The following TUBGCP5 variants were observed in gnomAD, a reference collection of about 807,000 sequenced individuals.
TUBGCP5 encodes the protein gamma-tubulin complex component 5.
A neutral mutation model predicts 134.7 loss-of-function variants in TUBGCP5; 98 were observed. That is an observed-to-expected ratio of 0.73 (90% CI 0.62 to 0.86). The LOEUF is 0.86. Among genes scored for constraint, TUBGCP5 ranks in the 40% least tolerant of loss-of-function variants. The probability of loss-of-function intolerance (pLI) is 0.00; values close to 1 mark genes in which losing one functional copy is unlikely to be tolerated. For missense variants in TUBGCP5, 1,150 were observed against 1,244.8 expected (o/e 0.92, Z 1.15); for synonymous variants, 456 against 431.4 (o/e 1.06, Z -0.71).
intron 4 of TUBGCP5, among the ~76,000 whole-genome samples, chr15:23,032,459 T>C (rs910381385): frequency 1.3e-5 from 2 of 152,156 alleles, no homozygotes; most frequent in African/African-American, 4.8e-5. Context: ...TTTTAAAAGA[T>C]TGTATTATTT....
intron 19 of TUBGCP5, among the ~76,000 whole-genome samples, chr15:23,004,784 T>C (rs1182547490): frequency 1.3e-5 from 2 of 152,118 alleles, no homozygotes; most frequent in African/African-American, 4.8e-5. Flanking sequence ...CCCTCTGCCA[T>C]AGCCTTCCCA....
chr15:23,034,803 G>T (rs900386884), intron 3 of TUBGCP5, among the ~76,000 whole-genome samples: 2 of 151,764 alleles, frequency 1.3e-5, no homozygotes, highest in Non-Finnish European at 2.9e-5. Flanking sequence ...TTCCAGCCTG[G>T]GCAACAGAGC....
At chr15:23,027,051 C>T in intron 7 of TUBGCP5, 141 bp downstream of exon 7, 1 of 680,402 alleles carries the variant, frequency 1.5e-6, no homozygotes, top group Non-Finnish European at 2.5e-6. Flanking sequence ...GAGTGAGAAT[C>T]TGTCTCCAAA....
intron 6 of TUBGCP5, 59 bp downstream of exon 6, chr15:23,030,826 C>T (rs1695625948): frequency 6.3e-7 from 1 of 1,587,050 alleles, no homozygotes; most frequent in African/African-American, 1.4e-5. Context: ...TCAAAGTTTG[C>T]CTTTCCTTCT....
intron 16 of TUBGCP5, 48 bp from the exon 17 acceptor site, chr15:23,006,400 C>T (rs759622985): frequency 3.8e-6 from 5 of 1,308,826 alleles, no homozygotes; most frequent in African/African-American, 3.0e-5. Context: ...CTATGTCACA[C>T]AAAAATGCTC....
At chr15:23,030,791 A>G (rs1443213502) in intron 6 of TUBGCP5, 94 bp downstream of exon 6, 3 of 1,481,038 alleles carry the variant, frequency 2.0e-6, no homozygotes, top group Non-Finnish European at 2.7e-6. Flanking sequence ...AGCTTAGCCA[A>G]TACCTTGATT....
Position 23,007,806 on chromosome 15 carries a change from C to T in TUBGCP5, c.2327+893G>A, listed in dbSNP as rs4778478. ...AGTCCATCTGTTTAGGAGGCACCCA[C>T]GGGGAGCATAGGGATGAGTGGTGGA... On this transcript the variant is annotated intron_variant, in intron 16 of 22. Coordinates refer to ENST00000615383, the MANE Select transcript of TUBGCP5 (RefSeq NM_052903.6). Among the ~76,000 whole-genome samples, 270 of 152,222 alleles carry T rather than the reference C, an allele frequency of 1.8e-3. 1 individual carries two copies. Among genetic ancestry groups the T allele is most frequent in the East Asian group, 5.0e-3 (26 of 5,164 alleles).
intron 10 of TUBGCP5, 173 bp downstream of exon 10, chr15:23,023,774 T>C (rs2065840031): frequency 3.4e-6 from 2 of 586,102 alleles, no homozygotes; most frequent in South Asian, 6.1e-5. Flanking sequence ...GTTTTTTGAT[T>C]TTTAGAGATA....
At chr15:23,003,247 T>G (rs2064494920) in intron 20 of TUBGCP5, 94 bp from the exon 21 acceptor site, 1 of 1,257,350 alleles carries the variant, frequency 8.0e-7, no homozygotes, top group African/African-American at 1.5e-5. Context: ...ACAGAAAAAG[T>G]TCATCACCAC....
At chr15:22,990,576 C>T (rs1361233459) in intron 23 of TUBGCP5, among the ~76,000 whole-genome samples, 2 of 152,174 alleles carry the variant, frequency 1.3e-5, no homozygotes, top group East Asian at 1.9e-4. Context: ...GATTAAAATT[C>T]CTCCATTCCC....
At chr15:23,033,428 A>G (rs1975522) in intron 3 of TUBGCP5, among the ~76,000 whole-genome samples, 147,376 of 152,144 alleles carry the variant, frequency 0.97, 71,397 homozygotes, top group East Asian at 1. Flanking sequence ...ACAGGTACGC[A>G]CCACCACGCC....
At chr15:22,985,311 C>T (rs1305851512) in intron 23 of TUBGCP5, among the ~76,000 whole-genome samples, 1 of 152,076 alleles carries the variant, frequency 6.6e-6, no homozygotes, top group Non-Finnish European at 1.5e-5. Flanking sequence ...CTCCACCTCC[C>T]GAGTTAAAGC....
At position 23,025,607 on chromosome 15, in the gene TUBGCP5, T is replaced by C. The variant is rs189263687; in HGVS notation, c.827+509A>G. 6.2e-3 allele frequency among the ~76,000 whole-genome samples: 945 copies of C among 152,060 alleles called. 11 individuals are homozygous for C. The highest frequency in any genetic ancestry group is 0.021 in the African/African-American group (876 of 41,484). On this transcript the variant is annotated intron_variant, in intron 8 of 22. Coordinates refer to ENST00000615383, the MANE Select transcript of TUBGCP5 (RefSeq NM_052903.6). ...CAGCACTTTGGGAGGCCAAGGTGGG[T>C]GGATCATGAGGTCAGGAGATCTAGA... is the stretch of plus-strand genomic sequence containing the variant.
Position 23,006,336 on chromosome 15 carries a change from C to CAA in TUBGCP5, c.2342_2343dup (p.Glu782LeufsTer16). ...TTCTTCTTAGCTGTGTCAACATTTT[C>CAA]AAAAGATATAGATAGACTAAAGAAA... is the stretch of plus-strand genomic sequence containing the variant. On this transcript the variant is annotated frameshift_variant, in exon 17 of 23. Transcript: ENST00000615383. LOFTEE classifies it high-confidence loss of function. The CAA allele has an allele frequency of 6.2e-7, 1 of 1,605,764 alleles. No individual in the cohort carries two copies. Among genetic ancestry groups the CAA allele is most frequent in the Admixed American group, 1.7e-5 (1 of 57,254 alleles).
chr15:23,039,460 GC>G lies in TUBGCP5; in HGVS notation c.83del (p.Gly28AlafsTer14). The G allele has an allele frequency of 6.5e-7, 1 of 1,549,864 alleles. No individual in the cohort carries two copies. The highest frequency in any genetic ancestry group is 1.8e-5 in the Admixed American group (1 of 54,590). ...AGTTGGGGTCTGCCTCGTCCTGGAG[GC>G]CGGCGACACCCCGGACGAGCTCCCG... is the stretch of plus-strand genomic sequence containing the variant. ...DVRELVRGVAGLQDEADPNFQ... is the reference protein window; with the variant it reads ...DVRELVRGVAXLQDEADPNFQ... On this transcript the variant is annotated frameshift_variant, in exon 1 of 23. Coordinates refer to ENST00000615383, the MANE Select transcript of TUBGCP5 (RefSeq NM_052903.6). LOFTEE classifies it high-confidence loss of function.
chr15:23,002,694 G>A (rs2064457660), intron 21 of TUBGCP5, among the ~76,000 whole-genome samples: 1 of 152,140 alleles, frequency 6.6e-6, no homozygotes, highest in African/African-American at 2.4e-5. Flanking sequence ...GTCCTCACTG[G>A]CACAGCTGAA....
At chr15:23,001,858 TAA>T (rs2064406828) in intron 21 of TUBGCP5, among the ~76,000 whole-genome samples, 1 of 152,176 alleles carries the variant, frequency 6.6e-6, no homozygotes, top group East Asian at 1.9e-4. Flanking sequence ...ACTTTAAAGA[TAA>T]AGACTCCTTT....
chr15:23,004,016 A>C, intron 20 of TUBGCP5, 86 bp downstream of exon 20: 8 of 1,477,346 alleles, frequency 5.4e-6, no homozygotes, highest in Non-Finnish European at 7.2e-6. Context: ...TACAGGACAG[A>C]AGCTTAATCA....
intron 14 of TUBGCP5, 34 bp from the exon 15 acceptor site, chr15:23,010,167 A>C: frequency 6.3e-7 from 1 of 1,591,790 alleles, no homozygotes; most frequent in South Asian, 1.1e-5. Context: ...TCTTTTTATG[A>C]GCTGCTGTCA....
Sources: allele counts gnomAD v4.1 joint callset (sites outside exome capture counted in the v4.1 genomes callset), GRCh38; gene constraint gnomAD v4.1.1; transcripts MANE v1.5; gene names NCBI Gene and HGNC (gene_info 2026-07-23, HGNC 2026-07-21).